The following STK3 variants were observed in gnomAD, a reference collection of about 807,000 sequenced individuals.
The protein encoded by STK3 is serine/threonine kinase 3.
Under a neutral mutation model 58.0 loss-of-function variants are expected in STK3, and 41 were observed. The observed-to-expected ratio is 0.71, with a 90% CI of 0.55 to 0.92. The LOEUF is 0.92. Ranked by LOEUF, STK3 falls within the 40% of genes least tolerant of loss-of-function variation. The pLI is 0.00. For synonymous variants in STK3, 170 were observed against 191.0 expected, an observed-to-expected ratio of 0.89 and a Z score of 0.91; for missense variants, 479 against 602.7, an observed-to-expected ratio of 0.79 and a Z score of 2.15.
At chr8:98,803,599 AAAAAAAAAAG>A (rs1237893835) in intron 1 of STK3, among the ~76,000 whole-genome samples, 23 of 139,678 alleles carry the variant, frequency 1.6e-4, no homozygotes, top group Admixed American at 8.9e-4. Context: ...GTTTCAAAAA[AAAAAAAAAAG>A]AAAAAAAAAG....
chr8:98,561,938 T>C (rs773530028), intron 8 of STK3, among the ~76,000 whole-genome samples: 8 of 152,132 alleles, frequency 5.3e-5, no homozygotes, highest in Non-Finnish European at 1.2e-4. Flanking sequence ...CACTAAGGAA[T>C]TGCAAATTAA....
upstream of STK3, chr8:98,825,828 GCCC>G: frequency 4.9e-5 from 2 of 41,006 alleles, no homozygotes; most frequent in African/African-American, 1.7e-4. Context: ...GCCCCGCCCC[GCCC>G]CCGGCCGCCC....
At chr8:98,856,779 A>G (rs898600384) in intron 3 of STK3, among the ~76,000 whole-genome samples, 2 of 152,254 alleles carry the variant, frequency 1.3e-5, no homozygotes, top group African/African-American at 4.8e-5. Context: ...GCATTATTAT[A>G]AGAGCCAAAA....
rs527292196 is a variant in STK3 at position 98,404,548 on chromosome 8, C to T, written n.484-3035G>A. On this transcript the variant is annotated intron_variant and non_coding_transcript_variant, in intron 3 of 3. Transcript: ENST00000517832. ...TACAAAAATTAGCCAGGCACGGTGGCGGATGCCTGTAGTCCCAGCTACTCG... is the reference window on the plus strand; with the variant it reads ...TACAAAAATTAGCCAGGCACGGTGGTGGATGCCTGTAGTCCCAGCTACTCG... Among the ~76,000 whole-genome samples the T allele has an allele frequency of 9.9e-5, 15 of 152,092 alleles. No individual in the cohort carries two copies. In the East Asian group the frequency reaches 1.4e-3, roughly 14 times the overall value.
At chr8:98,630,875 G>A (rs1051268613) in intron 6 of STK3, among the ~76,000 whole-genome samples, 2 of 151,944 alleles carry the variant, frequency 1.3e-5, no homozygotes, top group Non-Finnish European at 2.9e-5. Context: ...AGATGCCAAA[G>A]CAGAATGTTT....
At chr8:98,754,798 C>T (rs558500317) in intron 3 of STK3, among the ~76,000 whole-genome samples, 1 of 152,008 alleles carries the variant, frequency 6.6e-6, no homozygotes, top group African/African-American at 2.4e-5. Flanking sequence ...GTGTGAACCA[C>T]CATGCCCGCC....
downstream of STK3, chr8:98,882,847 C>T (rs532499180): frequency 9.2e-5 from 14 of 152,356 alleles, no homozygotes; most frequent in African/African-American, 3.1e-4. Flanking sequence ...TACCATCACA[C>T]TCAACCAAAT....
At position 98,800,639 on chromosome 8, in the gene STK3, C is replaced by A. The variant is rs566634702; in HGVS notation, c.26+24876G>T. ...TGCGCGCAGCACTCATGGGCCAGCACGAGTTCCGGGTGGGTGTGGGCTTGA... is the reference window on the plus strand; with the variant it reads ...TGCGCGCAGCACTCATGGGCCAGCAAGAGTTCCGGGTGGGTGTGGGCTTGA... On this transcript the variant is annotated intron_variant, in intron 1 of 10. Coordinates refer to ENST00000419617, the MANE Select transcript of STK3 (RefSeq NM_006281.4). This position sits in a 1 kb window ranked among gnomAD's most constrained non-coding sequence, Gnocchi z 4.8. 2.6e-5 allele frequency among the ~76,000 whole-genome samples: 4 copies of A among 152,190 alleles called. No homozygotes were observed.
downstream of STK3, among the ~76,000 whole-genome samples, chr8:98,369,270 C>G (rs1339964558): frequency 6.6e-6 from 1 of 152,296 alleles, no homozygotes; most frequent in East Asian, 1.9e-4. Context: ...AGTTAGGACC[C>G]TAATTACATA....
At position 98,914,461 on chromosome 8, in the gene STK3, TACACACACAC is replaced by T. The variant is rs34753292; in HGVS notation, c.-79+27907_-79+27916del. 1.3e-3 allele frequency among the ~76,000 whole-genome samples: 191 copies of T among 143,606 alleles called. 1 individual carries two copies. Among genetic ancestry groups the T allele is most frequent in the African/African-American group, 4.7e-3 (185 of 39,500 alleles). The allele number at this position is 143,606 out of a possible 152,430, so 94.2% of individuals were successfully genotyped here. ...CTACACTTGTGTGCAAGCACATGCCTACACACACACACACACACACACACACACACACTCT... is the reference window on the plus strand; with the variant it reads ...CTACACTTGTGTGCAAGCACATGCCTACACACACACACACACACACACTCT... On this transcript the variant is annotated intron_variant, in intron 1 of 1. Coordinates refer to the STK3 transcript ENST00000519420.
chr8:98,414,405 C>A (rs114414562), intron 3 of STK3, among the ~76,000 whole-genome samples: 1 of 152,180 alleles, frequency 6.6e-6, no homozygotes, highest in Non-Finnish European at 1.5e-5. Flanking sequence ...ATTCCAACAA[C>A]TTAGCAATCC....
intron 6 of STK3, among the ~76,000 whole-genome samples, chr8:98,628,019 G>A (rs1379186110): frequency 6.6e-6 from 1 of 152,182 alleles, no homozygotes; most frequent in Non-Finnish European, 1.5e-5. Context: ...TAAGCAAACA[G>A]CTCAGTAGAA....
At chr8:98,587,241 AT>A (rs1460636820) in intron 7 of STK3, among the ~76,000 whole-genome samples, 6 of 152,100 alleles carry the variant, frequency 3.9e-5, no homozygotes, top group African/African-American at 1.5e-4. Context: ...ATTTAGCGCT[AT>A]AAATTTCCCT....
intron 6 of STK3, among the ~76,000 whole-genome samples, chr8:98,652,220 C>A (rs1202179540): frequency 6.6e-6 from 1 of 152,172 alleles, no homozygotes; most frequent in Non-Finnish European, 1.5e-5. Flanking sequence ...AATTTCATAT[C>A]CAGCCAAACT....
chr8:98,579,434 G>C (rs1393861079), intron 8 of STK3, among the ~76,000 whole-genome samples: 2 of 152,034 alleles, frequency 1.3e-5, no homozygotes, highest in African/African-American at 4.8e-5. Context: ...CTAGATACTA[G>C]GTACTGTGGA....
At position 98,475,614 on chromosome 8, in the gene STK3, T is replaced by C. The variant is rs577105951; in HGVS notation, c.1318-19614A>G. ...GGTCTGACCTGAAACACCATCCATT[T>C]GAAATATTTAAAAATAAAAATAGAC... On this transcript the variant is annotated intron_variant, in intron 10 of 10. Coordinates refer to ENST00000419617, the MANE Select transcript of STK3 (RefSeq NM_006281.4). 4.6e-5 allele frequency among the ~76,000 whole-genome samples: 7 copies of C among 152,322 alleles called. No homozygotes were observed. In the East Asian group the frequency reaches 1.4e-3, roughly 29 times the overall value.
the STK3 span, among the ~76,000 whole-genome samples, chr8:98,361,152 G>T: frequency 6.6e-6 from 1 of 152,196 alleles, no homozygotes; most frequent in Non-Finnish European, 1.5e-5. Flanking sequence ...GGACAAGAGA[G>T]AACTTACACC....
chr8:98,442,978 G>A (rs1209798653), intron 1 of STK3, among the ~76,000 whole-genome samples: 1 of 128,658 alleles, frequency 7.8e-6, no homozygotes, highest in African/African-American at 3.0e-5. Context: ...AATTAAACTG[G>A]CTCTTAGCTA....
At chr8:98,647,838 T>A (rs548781756) in intron 6 of STK3, among the ~76,000 whole-genome samples, 1 of 152,362 alleles carries the variant, frequency 6.6e-6, no homozygotes, top group South Asian at 2.1e-4. Context: ...TCCTCCTTAA[T>A]AAATTGTTAA....
Sources: allele counts gnomAD v4.1 joint callset (sites outside exome capture counted in the v4.1 genomes callset), GRCh38; gene constraint gnomAD v4.1.1; non-coding constraint Gnocchi (gnomAD v3.1); transcripts MANE v1.5; gene names NCBI Gene and HGNC (gene_info 2026-07-23, HGNC 2026-07-21).